The following USP34 variants were observed in gnomAD, a reference collection of about 807,000 sequenced individuals.
USP34 encodes ubiquitin specific peptidase 34, also known as ubiquitin carboxyl-terminal hydrolase 34.
A neutral mutation model predicts 460.3 loss-of-function variants in USP34; 70 were observed. The ratio of observed to expected loss-of-function variants is 0.15; its 90% CI spans 0.13 to 0.19. The LOEUF is 0.19. Among genes scored for constraint, USP34 ranks in the 10% least tolerant of loss-of-function variants. The probability of loss-of-function intolerance (pLI) is 1.00; values close to 1 mark genes in which losing one functional copy is unlikely to be tolerated. For missense variants in USP34, 3,985 were observed against 4,236.2 expected, an observed-to-expected ratio of 0.94 and a Z score of 1.65; for synonymous variants, 1,647 against 1,405.3, an observed-to-expected ratio of 1.17 and a Z score of -3.85.
chr2:61,259,614 G>C, intron 44 of USP34, 97 bp downstream of exon 44: 3 of 1,056,770 alleles, frequency 2.8e-6, no homozygotes, highest in African/African-American at 1.6e-5. Flanking sequence ...TCAAGCTCTT[G>C]AACTCAAGCC....
At chr2:61,350,915 C>T (rs1304611583) in intron 10 of USP34, among the ~76,000 whole-genome samples, 1 of 152,082 alleles carries the variant, frequency 6.6e-6, no homozygotes, top group African/African-American at 2.4e-5. Context: ...AAATGACAAG[C>T]TGAATTTCCT....
intron 10 of USP34, among the ~76,000 whole-genome samples, chr2:61,358,044 T>C (rs1572965152): frequency 6.6e-6 from 1 of 151,838 alleles, no homozygotes; most frequent in African/African-American, 2.4e-5. Context: ...TACAAAAAAT[T>C]TGCTGGGTGT....
rs774357617 is a variant in USP34 at position 61,214,221 on chromosome 2, G to C, written c.8521C>G (p.Gln2841Glu). Residue 2841 changes from glutamine (Q) to glutamate (E), a missense_variant, in exon 68 of 80, where the codon CAG becomes GAG. Coordinates refer to ENST00000398571, the MANE Select transcript of USP34 (RefSeq NM_014709.4). Reference sequence around the variant, plus strand: ...CCACGGTTAAAAAGCACCACATCCTGATCATCATGGTCAGCAAGGATGTAA... The same window carrying C: ...CCACGGTTAAAAAGCACCACATCCTCATCATCATGGTCAGCAAGGATGTAA... The part of the protein sequence containing the change: ...FNYILADHDD[Q>E]DVVLFNRGML... 1 of 1,614,214 alleles carries C rather than the reference G, an allele frequency of 6.2e-7. No homozygotes were observed. The highest frequency in any genetic ancestry group is 8.5e-7 in the Non-Finnish European group (1 of 1,180,042).
Position 61,315,516 on chromosome 2 carries a change from G to A in USP34, c.3283-542C>T, listed in dbSNP as rs887299950. 2.6e-5 allele frequency among the ~76,000 whole-genome samples: 4 copies of A among 152,160 alleles called. No individual in the cohort carries two copies. The South Asian group carries it at 8.3e-4, about 32-fold the overall frequency. On this transcript the variant is annotated intron_variant, in intron 23 of 79. Transcript: ENST00000398571. ...AGCCTCCTAAGTAGCTGGGATTACA[G>A]GCATGCGCCACAACATCTGGCTAAT...
At chr2:61,466,901 CAA>C (rs111921570) in intron 1 of USP34, among the ~76,000 whole-genome samples, 12 of 105,566 alleles carry the variant, frequency 1.1e-4, no homozygotes, top group Non-Finnish European at 4.0e-5. Flanking sequence ...GACTCCGTGT[CAA>C]AAAAAAAAAA....
chr2:61,446,751 G>A (rs112458707), intron 1 of USP34, among the ~76,000 whole-genome samples: 48 of 150,134 alleles, frequency 3.2e-4, no homozygotes, highest in Non-Finnish European at 4.7e-4. Flanking sequence ...AGCCGAGATC[G>A]TGCCACTACA....
intron 53 of USP34, among the ~76,000 whole-genome samples, chr2:61,240,370 C>T (rs1369461417): frequency 6.6e-6 from 1 of 151,768 alleles, no homozygotes; most frequent in Admixed American, 6.6e-5. Context: ...GCTCCGCCTC[C>T]CAGGTTCACG....
intron 10 of USP34, among the ~76,000 whole-genome samples, chr2:61,362,207 G>A (rs1194523581): frequency 6.6e-6 from 1 of 152,108 alleles, no homozygotes; most frequent in Non-Finnish European, 1.5e-5. Context: ...CACTGTTGGT[G>A]GGAATGAAAA....
intron 42 of USP34, 157 bp downstream of exon 42, chr2:61,265,827 C>A (rs938656750): frequency 1.0e-5 from 8 of 782,434 alleles, no homozygotes; most frequent in Non-Finnish European, 1.4e-5. Context: ...AGGTCCTTCA[C>A]ATCAATGTTT....
chr2:61,382,775 C>T (rs1011604376), intron 6 of USP34, among the ~76,000 whole-genome samples: 3 of 152,172 alleles, frequency 2.0e-5, no homozygotes, highest in Non-Finnish European at 2.9e-5. Flanking sequence ...TGTCACCTCT[C>T]GTTCAATGAG....
intron 48 of USP34, among the ~76,000 whole-genome samples, chr2:61,255,474 A>G (rs1688700059): frequency 6.6e-6 from 1 of 152,204 alleles, no homozygotes; most frequent in Non-Finnish European, 1.5e-5. Flanking sequence ...GTATCTTAGG[A>G]ATCAGCATTG....
chr2:61,265,328 TA>T, intron 43 of USP34, 68 bp downstream of exon 43: 8 of 1,507,780 alleles, frequency 5.3e-6, no homozygotes, highest in South Asian at 1.3e-5. Context: ...TACATTGAAA[TA>T]AAAATTTATC....
At chr2:61,262,112 A>ATAT (rs1333516707) in intron 43 of USP34, among the ~76,000 whole-genome samples, 1 of 83,030 alleles carries the variant, frequency 1.2e-5, no homozygotes, top group Non-Finnish European at 2.4e-5. Context: ...AAAAAAAAAA[A>ATAT]AAAAATATAT....
Position 61,339,691 on chromosome 2 carries a change from A to G in USP34, c.2501-10T>C, listed in dbSNP as rs76043649. 231 of 921,404 alleles carry G rather than the reference A, an allele frequency of 2.5e-4. No individual in the cohort carries two copies. Among genetic ancestry groups the G allele is most frequent in the Non-Finnish European group, 2.4e-4 (172 of 703,232 alleles). 57.1% of individuals were successfully genotyped at this position (921,404 alleles called of 1,614,324 possible). On this transcript the variant is annotated splice_polypyrimidine_tract_variant and intron_variant, in intron 16 of 79. Coordinates refer to ENST00000398571, the MANE Select transcript of USP34 (RefSeq NM_014709.4). The stretch of plus-strand genomic sequence containing the variant: ...TTATGAACTACAGGTCCTGAAGAGA[A>G]AAAAAAAAAAAAGACACACTATAGA...
intron 2 of USP34, among the ~76,000 whole-genome samples, chr2:61,417,893 C>CA (rs1380688570): frequency 1.3e-5 from 2 of 149,392 alleles, no homozygotes; most frequent in East Asian, 2.0e-4. Context: ...ACATGAGCAC[C>CA]CCACGCCTGG....
chr2:61,397,765 G>T (rs553277415), intron 3 of USP34, among the ~76,000 whole-genome samples: 3 of 152,232 alleles, frequency 2.0e-5, no homozygotes, highest in African/African-American at 7.2e-5. Context: ...TGGGCGTGGT[G>T]GCACACACCT....
At chr2:61,189,864 G>GCTGT (rs1686575608) in intron 78 of USP34, 1 of 156,258 alleles carries the variant, frequency 6.4e-6, no homozygotes, top group South Asian at 2.0e-4. Context: ...CTAGGACATG[G>GCTGT]CTGTCATGGG....
At chr2:61,216,174 C>G (rs777918502) in intron 67 of USP34, among the ~76,000 whole-genome samples, 3 of 152,164 alleles carry the variant, frequency 2.0e-5, no homozygotes. Context: ...TACCTATATA[C>G]TAGTCTGCTT....
intron 25 of USP34, among the ~76,000 whole-genome samples, chr2:61,313,959 A>G (rs1690670287): frequency 6.6e-6 from 1 of 152,100 alleles, no homozygotes; most frequent in Non-Finnish European, 1.5e-5. Flanking sequence ...ACATTTGCTC[A>G]TAATTTTTAA....
Sources: allele counts gnomAD v4.1 joint callset (sites outside exome capture counted in the v4.1 genomes callset), GRCh38; gene constraint gnomAD v4.1.1; transcripts MANE v1.5; gene names NCBI Gene and HGNC (gene_info 2026-07-23, HGNC 2026-07-21).